The following ZNF365 variants were observed in gnomAD, a reference collection of about 807,000 sequenced individuals.
ZNF365 encodes the protein protein ZNF365.
A neutral mutation model predicts 35.0 loss-of-function variants in ZNF365; 22 were observed. That is an observed-to-expected ratio of 0.63 (90% CI 0.45 to 0.90). The LOEUF is 0.90. ZNF365 is among the 40% of genes least tolerant of loss of function. ZNF365 has a pLI of 0.00. For synonymous variants in ZNF365, 188 were observed against 196.2 expected (o/e 0.96, Z 0.35); for missense variants, 448 against 500.3 (o/e 0.90, Z 1.00).
chr10:62,389,359 C>T (rs530004793), intron 3 of ZNF365, among the ~76,000 whole-genome samples: 1 of 151,854 alleles, frequency 6.6e-6, no homozygotes, highest in African/African-American at 2.4e-5. Context: ...TACCCCAAAG[C>T]GGTTTATTTA....
At chr10:62,389,928 A>G (rs1051069437) in intron 3 of ZNF365, among the ~76,000 whole-genome samples, 1 of 152,118 alleles carries the variant, frequency 6.6e-6, no homozygotes, top group African/African-American at 2.4e-5. Flanking sequence ...CTGAGGGGGA[A>G]GTCACACCAC....
chr10:62,436,160 C>T (rs1840403721), intron 3 of ZNF365, among the ~76,000 whole-genome samples: 1 of 151,992 alleles, frequency 6.6e-6, no homozygotes, highest in Non-Finnish European at 1.5e-5. Context: ...CCACCACCAT[C>T]TAATGTATTA....
At chr10:62,454,791 G>A (rs981770864) in intron 3 of ZNF365, among the ~76,000 whole-genome samples, 2 of 152,176 alleles carry the variant, frequency 1.3e-5, no homozygotes, top group Admixed American at 1.3e-4. Context: ...AGGCAAAGAT[G>A]CCACACCCTC....
At chr10:62,417,596 C>T (rs760736570) in intron 3 of ZNF365, among the ~76,000 whole-genome samples, 3 of 151,936 alleles carry the variant, frequency 2.0e-5, no homozygotes, top group Non-Finnish European at 2.9e-5. Flanking sequence ...TCAACATCCA[C>T]GGCTCAAATT....
At chr10:62,475,285 C>T (rs892458921) in intron 4 of ZNF365, among the ~76,000 whole-genome samples, 3 of 152,136 alleles carry the variant, frequency 2.0e-5, no homozygotes, top group Non-Finnish European at 2.9e-5. Flanking sequence ...TTAAAGTCTG[C>T]AGTGGCATGT....
chr10:62,407,546 C>G (rs977850524), intron 3 of ZNF365, among the ~76,000 whole-genome samples: 5 of 151,680 alleles, frequency 3.3e-5, no homozygotes, highest in African/African-American at 1.2e-4. Flanking sequence ...AACACCAGCC[C>G]AGGAAAAATC....
intron 3 of ZNF365, among the ~76,000 whole-genome samples, chr10:62,445,111 T>A (rs1046313829): frequency 1.3e-5 from 2 of 151,648 alleles, no homozygotes; most frequent in Middle Eastern, 3.4e-3. Flanking sequence ...GAACTCATCA[T>A]TTTTTATGGC....
chr10:62,474,563 T>C (rs553783836), intron 4 of ZNF365, among the ~76,000 whole-genome samples: 1 of 152,296 alleles, frequency 6.6e-6, no homozygotes, highest in South Asian at 2.1e-4. Flanking sequence ...GAAACCACCA[T>C]TCAATCTTCT....
At chr10:62,469,365 TG>T (rs1840996261) in intron 4 of ZNF365, among the ~76,000 whole-genome samples, 1 of 152,186 alleles carries the variant, frequency 6.6e-6, no homozygotes, top group Non-Finnish European at 1.5e-5. Context: ...TCTTCTGAAT[TG>T]TTTTTCTTTA....
chr10:62,389,798 A>G (rs1486032824), intron 3 of ZNF365, among the ~76,000 whole-genome samples: 4 of 152,190 alleles, frequency 2.6e-5, no homozygotes, highest in Non-Finnish European at 5.9e-5. Flanking sequence ...ACAAAAAGAG[A>G]CTGGAAGGAA....
At chr10:62,432,264 G>A (rs186760217) in intron 3 of ZNF365, among the ~76,000 whole-genome samples, 133 of 152,230 alleles carry the variant, frequency 8.7e-4, no homozygotes, top group Admixed American at 1.7e-3. Context: ...TTTTAGGAGA[G>A]CAGTTTTTAG....
At chr10:62,479,769 T>C in intron 4 of ZNF365, 3 of 774,952 alleles carry the variant, frequency 3.9e-6, no homozygotes. Context: ...CCAGTACAAT[T>C]GTTTGCCAGG....
At chr10:62,474,835 T>C (rs970698933) in intron 4 of ZNF365, among the ~76,000 whole-genome samples, 1 of 152,158 alleles carries the variant, frequency 6.6e-6, no homozygotes, top group African/African-American at 2.4e-5. Context: ...CACAGTGGAG[T>C]AGCTCCAGTT....
chr10:62,475,871 T>C (rs1454622779), intron 4 of ZNF365, among the ~76,000 whole-genome samples: 1 of 152,120 alleles, frequency 6.6e-6, no homozygotes, highest in Non-Finnish European at 1.5e-5. Flanking sequence ...GGGGGCTGGA[T>C]TGGAATTTTC....
Position 62,480,048 on chromosome 10 carries a change from CT to C in ZNF365, c.*155del, listed in dbSNP as rs1841197949. 1.0e-5 allele frequency: 14 copies of C among 1,379,876 alleles called. No homozygotes were observed. The South Asian group carries it at 2.1e-4, about 20-fold the overall frequency. The allele number at this position is 1,379,876 out of a possible 1,614,324, so 85.5% of individuals were successfully genotyped here. On this transcript the variant is annotated 3_prime_UTR_variant, in exon 5 of 5. Coordinates refer to the ZNF365 transcript ENST00000395255. ...ACAAGAAACTTGGGCTACTTGGTGA[CT>C]TTACTCACCAGGAGTGGGTTCAGAC...
At position 62,453,676 on chromosome 10, in the gene ZNF365, G is replaced by C. The variant is rs140112353; in HGVS notation, c.925-6065G>C. Reference sequence around the variant, plus strand: ...AGCAGTGGGATTGCTGGATCAAATGGTAGTTCTATTTTTAGTTCTTTGAGA... The same window carrying C: ...AGCAGTGGGATTGCTGGATCAAATGCTAGTTCTATTTTTAGTTCTTTGAGA... On this transcript the variant is annotated intron_variant, in intron 3 of 4. Transcript: ENST00000395255. Among the ~76,000 whole-genome samples the C allele has an allele frequency of 2.8e-3, 430 of 152,176 alleles. 1 individual carries two copies. Among genetic ancestry groups the C allele is most frequent in the African/African-American group, 9.7e-3 (403 of 41,534 alleles).
chr10:62,470,570 A>G (rs1841017517), intron 4 of ZNF365, among the ~76,000 whole-genome samples: 1 of 152,230 alleles, frequency 6.6e-6, no homozygotes, highest in Admixed American at 6.5e-5. Context: ...GTTAGATACA[A>G]ATCTCAGATA....
chr10:62,403,507 A>C (rs948186935), downstream of ZNF365, among the ~76,000 whole-genome samples: 1 of 152,096 alleles, frequency 6.6e-6, no homozygotes, highest in African/African-American at 2.4e-5. Flanking sequence ...AAATACAAAA[A>C]ATTAGCCGGG....
intron 3 of ZNF365, among the ~76,000 whole-genome samples, chr10:62,449,657 C>T (rs771261510): frequency 5.3e-5 from 8 of 152,158 alleles, no homozygotes; most frequent in Non-Finnish European, 1.0e-4. Flanking sequence ...TTTATATAGG[C>T]TCTCATTCTG....
Sources: allele counts gnomAD v4.1 joint callset (sites outside exome capture counted in the v4.1 genomes callset), GRCh38; gene constraint gnomAD v4.1.1; transcripts MANE v1.5; gene names NCBI Gene and HGNC (gene_info 2026-07-23, HGNC 2026-07-21).